Variants in LYPLA1 observed in about 807,000 individuals in gnomAD.
The protein encoded by LYPLA1 is acyl-protein thioesterase 1.
A neutral mutation model predicts 34.0 loss-of-function variants in LYPLA1; 17 were observed. The observed-to-expected ratio is 0.50, with a 90% CI of 0.34 to 0.75. The LOEUF is 0.75. Among genes scored for constraint, LYPLA1 ranks in the 30% least tolerant of loss-of-function variants. The pLI, the probability that LYPLA1 is intolerant of heterozygous loss-of-function variation, is 0.01. For synonymous variants in LYPLA1, 98 were observed against 100.8 expected (o/e 0.97, Z 0.17); for missense variants, 203 against 288.8 (o/e 0.70, Z 2.15).
chr8:54,055,341 A>C (rs1224532549), intron 5 of LYPLA1, among the ~76,000 whole-genome samples: 2 of 152,208 alleles, frequency 1.3e-5, no homozygotes, highest in Non-Finnish European at 2.9e-5. Flanking sequence ...ATTTTAAAAA[A>C]ATCAAATTTC....
intron 2 of LYPLA1, chr8:54,073,261 G>A: frequency 1.1e-6 from 1 of 876,166 alleles, no homozygotes; most frequent in Non-Finnish European, 2.0e-6. Context: ...CTGTCTGAAT[G>A]GGGGAACCTG....
At position 54,048,222 on chromosome 8, in the gene LYPLA1, A is replaced by G. The variant is rs1805605275; in HGVS notation, c.640-104T>C. On this transcript the variant is annotated intron_variant, in intron 8 of 8. Transcript: ENST00000316963. ...AAATCTATGGTATGCATAAAGGCGAAATCACATTTTTACTACAATTAAATA... is the reference window on the plus strand; with the variant it reads ...AAATCTATGGTATGCATAAAGGCGAGATCACATTTTTACTACAATTAAATA... The G allele has an allele frequency of 1.0e-5, 7 of 687,064 alleles. No homozygotes were observed. The South Asian group carries it at 1.2e-4, about 12-fold the overall frequency. 42.6% of individuals were successfully genotyped at this position (687,064 alleles called of 1,614,324 possible).
At chr8:54,080,383 C>G (rs187477732) in intron 2 of LYPLA1, among the ~76,000 whole-genome samples, 2 of 152,274 alleles carry the variant, frequency 1.3e-5, no homozygotes, top group East Asian at 1.9e-4. Flanking sequence ...AATCTTCCAC[C>G]TATTTATTAG....
rs1334982933 is a variant in LYPLA1, at chr8:54,059,502, C to T, written c.286+2752G>A. The stretch of plus-strand genomic sequence containing the variant: ...TGTATTTTTAGTAGAGACGGGGTTT[C>T]ACCTTGTTAGCCAGGATGGTCTCGA... On this transcript the variant is annotated intron_variant, in intron 5 of 8. Coordinates refer to ENST00000316963, the MANE Select transcript of LYPLA1 (RefSeq NM_006330.4). 2.4e-5 allele frequency among the ~76,000 whole-genome samples: 2 copies of T among 81,790 alleles called. 1 individual carries two copies. Among genetic ancestry groups the T allele is most frequent in the African/African-American group, 1.9e-4 (2 of 10,488 alleles). The allele number at this position is 81,790 out of a possible 152,430, so 53.7% of individuals were successfully genotyped here. A position where few individuals can be genotyped will look rare whatever the true frequency, so the allele number is the denominator to read the frequency against.
intron 2 of LYPLA1, chr8:54,073,672 G>T: frequency 2.6e-6 from 1 of 389,534 alleles, no homozygotes; most frequent in Non-Finnish European, 4.7e-6. Flanking sequence ...ATGACCATTT[G>T]TTAGTTGCCT....
At chr8:54,093,610 G>A (rs940994109) in intron 2 of LYPLA1, among the ~76,000 whole-genome samples, 2 of 152,152 alleles carry the variant, frequency 1.3e-5, no homozygotes, top group African/African-American at 4.8e-5. Flanking sequence ...TCTAGTTTGT[G>A]GTTATTTATA....
downstream of LYPLA1, among the ~76,000 whole-genome samples, chr8:54,044,655 C>T (rs1470538220): frequency 6.6e-6 from 1 of 151,692 alleles, no homozygotes; most frequent in African/African-American, 2.4e-5. Flanking sequence ...AGGGTCCTGG[C>T]TTGGCTGGGC....
rs2129320180 is a variant in LYPLA1 at position 54,047,924 on chromosome 8, T to C, written c.*141A>G. 1.9e-6 allele frequency: 1 copy of C among 540,124 alleles called. No homozygotes were observed. Among genetic ancestry groups the C allele is most frequent in the Admixed American group, 3.4e-5 (1 of 29,504 alleles). The allele number at this position is 540,124 out of a possible 1,614,324, so 33.5% of individuals were successfully genotyped here. A position where few individuals can be genotyped will look rare whatever the true frequency, so the allele number is the denominator to read the frequency against. On this transcript the variant is annotated 3_prime_UTR_variant, in exon 9 of 9. Transcript: ENST00000316963. Reference sequence around the variant, plus strand: ...ATAAATTTCTCATGAGGAGATATTATTTGATCTGTGTTATTGGCATGTATT... The same window carrying C: ...ATAAATTTCTCATGAGGAGATATTACTTGATCTGTGTTATTGGCATGTATT...
intron 2 of LYPLA1, among the ~76,000 whole-genome samples, chr8:54,077,910 A>G (rs1321120312): frequency 6.6e-6 from 1 of 152,026 alleles, no homozygotes; most frequent in Non-Finnish European, 1.5e-5. Flanking sequence ...CATCATGTTG[A>G]TGGTTTCATG....
intron 6 of LYPLA1, 72 bp from the exon 7 acceptor site, chr8:54,052,828 A>G: frequency 1.1e-6 from 1 of 904,436 alleles, no homozygotes. Context: ...ATATCTTGTT[A>G]CTAATGATAT....
intron 2 of LYPLA1, among the ~76,000 whole-genome samples, chr8:54,083,725 C>T (rs1272312645): frequency 3.3e-5 from 5 of 152,168 alleles, no homozygotes; most frequent in African/African-American, 1.2e-4. Flanking sequence ...GTCACTAAGT[C>T]TTAAGTTTTT....
chr8:54,096,742 CAA>C (rs547737338), intron 2 of LYPLA1, among the ~76,000 whole-genome samples: 21 of 106,358 alleles, frequency 2.0e-4, no homozygotes, highest in East Asian at 2.8e-4. Context: ...GACAAGGTCT[CAA>C]AAAAAAAAAA....
At chr8:54,062,897 A>G (rs1806764955) in intron 4 of LYPLA1, among the ~76,000 whole-genome samples, 1 of 152,206 alleles carries the variant, frequency 6.6e-6, no homozygotes. Context: ...GCACATAGGA[A>G]CAAAAAACTG....
chr8:54,043,718 C>A (rs1328877446), downstream of LYPLA1, among the ~76,000 whole-genome samples: 1 of 151,458 alleles, frequency 6.6e-6, no homozygotes, highest in African/African-American at 2.4e-5. Context: ...TGTGCTATCA[C>A]TCCCGGCTAA....
chr8:54,052,840 C>T, intron 6 of LYPLA1, 84 bp from the exon 7 acceptor site: 2 of 839,664 alleles, frequency 2.4e-6, no homozygotes, highest in Non-Finnish European at 3.9e-6. Context: ...TAATGATATC[C>T]ATAAAAAAAT....
intron 2 of LYPLA1, among the ~76,000 whole-genome samples, chr8:54,066,626 C>G (rs1440873726): frequency 1.3e-5 from 2 of 151,290 alleles, no homozygotes; most frequent in East Asian, 2.0e-4. Flanking sequence ...ACTAAAAATA[C>G]AAAAATTAGC....
intron 2 of LYPLA1, among the ~76,000 whole-genome samples, chr8:54,067,855 T>G (rs1370633086): frequency 6.6e-6 from 1 of 151,890 alleles, no homozygotes; most frequent in East Asian, 1.9e-4. Flanking sequence ...GCTAAATTTT[T>G]TTTTTGTATT....
At chr8:54,101,418 T>G (rs1162186443) in intron 1 of LYPLA1, 1 of 1,068,762 alleles carries the variant, frequency 9.4e-7, no homozygotes, top group Non-Finnish European at 1.1e-6. Flanking sequence ...ATAAGGCGAT[T>G]TCCTGGCGGA....
rs151122388 is a variant in LYPLA1, at chr8:54,060,406, T to C, written c.286+1848A>G. On this transcript the variant is annotated intron_variant, in intron 5 of 8. Coordinates refer to ENST00000316963, the MANE Select transcript of LYPLA1 (RefSeq NM_006330.4). ...TCCCAAAGTGCTGGGATTACAGGTG[T>C]GAGCCACCGTGCCCGGCCTCCTGTG... is the stretch of plus-strand genomic sequence containing the variant. Among the ~76,000 whole-genome samples the C allele has an allele frequency of 3.4e-3, 521 of 152,056 alleles. 6 individuals carry two copies. The highest frequency in any genetic ancestry group is 0.012 in the African/African-American group (496 of 41,498).
Sources: gnomAD v4.1 joint callset for allele counts (sites outside exome capture counted in the v4.1 genomes callset) on GRCh38, gnomAD v4.1.1 for gene constraint, MANE v1.5 for transcripts, NCBI Gene and HGNC (gene_info 2026-07-23, HGNC 2026-07-21) for gene names.